The following ITFG1 variants were observed in gnomAD, a reference collection of about 807,000 sequenced individuals.
ITFG1 encodes T-cell immunomodulatory protein.
A neutral mutation model predicts 81.8 loss-of-function variants in ITFG1; 34 were observed. The ratio of observed to expected loss-of-function variants is 0.42; its 90% CI spans 0.32 to 0.55. The LOEUF (loss-of-function observed/expected upper bound fraction) is 0.55. Among genes scored for constraint, ITFG1 ranks in the 20% least tolerant of loss-of-function variants. The pLI is 0.17. For missense variants in ITFG1, 672 were observed against 755.4 expected (o/e 0.89, Z 1.29); for synonymous variants, 285 against 270.6 (o/e 1.05, Z -0.52).
intron 10 of ITFG1, among the ~76,000 whole-genome samples, chr16:47,271,966 A>T (rs1966346424): frequency 6.6e-6 from 1 of 152,224 alleles, no homozygotes; most frequent in East Asian, 1.9e-4. Flanking sequence ...CTTGCATATG[A>T]ATGTTCACAG....
At chr16:47,400,886 C>T (rs1360430862) in intron 6 of ITFG1, among the ~76,000 whole-genome samples, 1 of 152,110 alleles carries the variant, frequency 6.6e-6, no homozygotes, top group Non-Finnish European at 1.5e-5. Context: ...TGACAAAAAG[C>T]ATGCGATTCT....
At chr16:47,446,215 G>C (rs9924420) in intron 5 of ITFG1, among the ~76,000 whole-genome samples, 2 of 152,106 alleles carry the variant, frequency 1.3e-5, no homozygotes, top group Admixed American at 1.3e-4. Context: ...GTACAATTCC[G>C]TGGTGTGCCT....
chr16:47,417,595 A>AT (rs1168535786), intron 6 of ITFG1, among the ~76,000 whole-genome samples: 4 of 152,206 alleles, frequency 2.6e-5, no homozygotes, highest in Non-Finnish European at 4.4e-5. Flanking sequence ...TCTATGAGAT[A>AT]AACTCTTTTA....
intron 8 of ITFG1, among the ~76,000 whole-genome samples, chr16:47,336,738 G>A (rs578030623): frequency 2.0e-5 from 3 of 151,450 alleles, no homozygotes; most frequent in African/African-American, 4.9e-5. Flanking sequence ...CCGAGGAGGC[G>A]GGTCACCTGA....
chr16:47,292,752 T>A (rs1286267588), intron 10 of ITFG1, among the ~76,000 whole-genome samples: 2 of 152,134 alleles, frequency 1.3e-5, no homozygotes, highest in Non-Finnish European at 2.9e-5. Context: ...TCTGAATTGT[T>A]TAAATTAAGA....
chr16:47,426,946 C>T (rs1289457419), intron 6 of ITFG1, among the ~76,000 whole-genome samples: 1 of 152,110 alleles, frequency 6.6e-6, no homozygotes, highest in East Asian at 1.9e-4. Context: ...ACTGTAAAAT[C>T]AGACTGTTAA....
At chr16:47,237,169 C>T (rs1000680285) in intron 13 of ITFG1, among the ~76,000 whole-genome samples, 6 of 152,200 alleles carry the variant, frequency 3.9e-5, no homozygotes, top group African/African-American at 1.2e-4. Flanking sequence ...TCTGTTTCTA[C>T]ACTTCTTAAA....
chr16:47,318,616 C>T (rs1237300383), intron 8 of ITFG1, among the ~76,000 whole-genome samples: 2 of 152,028 alleles, frequency 1.3e-5, no homozygotes, highest in East Asian at 3.9e-4. Flanking sequence ...CCCCAAAGAG[C>T]TTTGTTTATG....
intron 13 of ITFG1, among the ~76,000 whole-genome samples, chr16:47,233,961 T>C (rs1357609039): frequency 6.6e-6 from 1 of 152,098 alleles, no homozygotes; most frequent in African/African-American, 2.4e-5. Context: ...AGGAAATAAT[T>C]GCCTCCAACA....
intron 6 of ITFG1, among the ~76,000 whole-genome samples, chr16:47,418,271 A>G (rs1385846086): frequency 6.6e-6 from 1 of 152,052 alleles, no homozygotes; most frequent in African/African-American, 2.4e-5. Flanking sequence ...TATATTATGG[A>G]TATTTGTCCC....
chr16:47,297,243 CTTGCTTTTGGTTTCCAT>C (rs1457751466), intron 10 of ITFG1, among the ~76,000 whole-genome samples: 1 of 152,020 alleles, frequency 6.6e-6, no homozygotes, highest in Non-Finnish European at 1.5e-5. Flanking sequence ...GTTACTCCTG[CTTGCTTTTGGTTTCCAT>C]TCATGTGAGG....
chr16:47,167,706 C>T (rs1038726419), intron 14 of ITFG1, among the ~76,000 whole-genome samples: 1 of 152,220 alleles, frequency 6.6e-6, no homozygotes, highest in Non-Finnish European at 1.5e-5. Context: ...ATTGCTCACA[C>T]AAAGCGTGTT....
intron 5 of ITFG1, among the ~76,000 whole-genome samples, chr16:47,441,276 C>A (rs1217174109): frequency 6.6e-6 from 1 of 152,204 alleles, no homozygotes; most frequent in African/African-American, 2.4e-5. Context: ...AACATTCCTT[C>A]TGAAACTATT....
At chr16:47,359,279 C>A (rs1347585644) in intron 8 of ITFG1, among the ~76,000 whole-genome samples, 1 of 152,196 alleles carries the variant, frequency 6.6e-6, no homozygotes, top group East Asian at 1.9e-4. Flanking sequence ...GAGCTTTTAT[C>A]TCCCATTTGT....
At chr16:47,235,454 T>C (rs532844438) in intron 13 of ITFG1, among the ~76,000 whole-genome samples, 11 of 152,286 alleles carry the variant, frequency 7.2e-5, no homozygotes, top group Non-Finnish European at 1.2e-4. Context: ...GTTTCAAAAG[T>C]GAAACCATTC....
intron 6 of ITFG1, among the ~76,000 whole-genome samples, chr16:47,410,446 G>C (rs1215010160): frequency 6.6e-6 from 1 of 152,098 alleles, no homozygotes; most frequent in Non-Finnish European, 1.5e-5. Flanking sequence ...TTCAGCACAA[G>C]ACGGCTGACT....
At chr16:47,161,122 T>C (rs1396076329) in intron 16 of ITFG1, among the ~76,000 whole-genome samples, 1 of 152,242 alleles carries the variant, frequency 6.6e-6, no homozygotes, top group Admixed American at 6.5e-5. Context: ...TCTAGGAATT[T>C]AAATAAAAAT....
chr16:47,295,252 T>C (rs1040672861), intron 10 of ITFG1, among the ~76,000 whole-genome samples: 4 of 152,218 alleles, frequency 2.6e-5, no homozygotes, highest in African/African-American at 9.6e-5. Context: ...TTTTTGCATG[T>C]ATGTTCACCA....
chr16:47,180,349 A>T (rs1965090436), intron 14 of ITFG1, among the ~76,000 whole-genome samples: 1 of 151,154 alleles, frequency 6.6e-6, no homozygotes, highest in Admixed American at 6.6e-5. Context: ...ATATGGTATT[A>T]TTGCCCTCTC....
Sources: gnomAD v4.1 joint callset for allele counts (sites outside exome capture counted in the v4.1 genomes callset) on GRCh38, gnomAD v4.1.1 for gene constraint, MANE v1.5 for transcripts, NCBI Gene and HGNC (gene_info 2026-07-23, HGNC 2026-07-21) for gene names.